Variants in XKR4 observed in about 807,000 individuals in gnomAD.
XKR4 encodes XK-related protein 4.
Under a neutral mutation model 53.9 loss-of-function variants are expected in XKR4, and 12 were observed. The observed-to-expected ratio is 0.22, with a 90% CI of 0.14 to 0.36. The LOEUF (loss-of-function observed/expected upper bound fraction) is 0.36. Ranked by LOEUF, XKR4 falls within the 10% of genes least tolerant of loss-of-function variation. XKR4 has a pLI of 1.00. For synonymous variants in XKR4, 354 were observed against 362.4 expected (o/e 0.98, Z 0.26); for missense variants, 799 against 859.5 (o/e 0.93, Z 0.88).
intron 1 of XKR4, among the ~76,000 whole-genome samples, chr8:55,153,123 G>A (rs1333928000): frequency 6.6e-6 from 1 of 152,144 alleles, no homozygotes; most frequent in Non-Finnish European, 1.5e-5. Flanking sequence ...GAATGATCCA[G>A]ACTCAAGGTC....
chr8:55,325,089 A>T (rs1471973313), intron 1 of XKR4, among the ~76,000 whole-genome samples: 1 of 152,174 alleles, frequency 6.6e-6, no homozygotes, highest in East Asian at 1.9e-4. Context: ...CACAAAATTT[A>T]TGTGCCACAA....
At chr8:55,160,186 T>G (rs1816965003) in intron 1 of XKR4, among the ~76,000 whole-genome samples, 2 of 152,240 alleles carry the variant, frequency 1.3e-5, no homozygotes, top group African/African-American at 4.8e-5. Context: ...GGTTGTATTT[T>G]TACTCCAGCC....
intron 2 of XKR4, among the ~76,000 whole-genome samples, chr8:55,465,061 C>A (rs1402340283): frequency 6.6e-6 from 1 of 152,060 alleles, no homozygotes; most frequent in Non-Finnish European, 1.5e-5. Context: ...GCCATACTGC[C>A]CAAGGTAATT....
At chr8:55,189,728 C>T (rs11998657) in intron 1 of XKR4, among the ~76,000 whole-genome samples, 4,388 of 152,268 alleles carry the variant, frequency 0.029, 217 homozygotes, top group African/African-American at 0.098. Flanking sequence ...CGTTATGCTG[C>T]ACATTACTGT....
chr8:55,478,535 C>G (rs1427592151), intron 2 of XKR4, among the ~76,000 whole-genome samples: 1 of 151,660 alleles, frequency 6.6e-6, no homozygotes, highest in African/African-American at 2.4e-5. Flanking sequence ...ACAGGACCAA[C>G]TCCACACATA....
In XKR4 at chr8:55,536,799, A is replaced by C. The variant is rs1419791271; in HGVS notation, c.*12572A>C. 1 of 152,220 alleles carries C rather than the reference A, an allele frequency of 6.6e-6. No homozygotes were observed. Among genetic ancestry groups the C allele is most frequent in the African/African-American group, 2.4e-5 (1 of 41,452 alleles). The allele number at this position is 152,220 out of a possible 1,614,324, so 9.4% of individuals were successfully genotyped here. On this transcript the variant is annotated 3_prime_UTR_variant, in exon 3 of 3. Coordinates refer to ENST00000327381, the MANE Select transcript of XKR4 (RefSeq NM_052898.2). Reference sequence around the variant, plus strand: ...TGGGCATTCTGGGCCTGGCTGCGGCACACCCTCCTTCACTTGGCCCCTGCC... The same window carrying C: ...TGGGCATTCTGGGCCTGGCTGCGGCCCACCCTCCTTCACTTGGCCCCTGCC...
At chr8:55,108,466 CTG>C (rs1177850263) in intron 1 of XKR4, among the ~76,000 whole-genome samples, 1 of 152,090 alleles carries the variant, frequency 6.6e-6, no homozygotes, top group Non-Finnish European at 1.5e-5. Flanking sequence ...AGTCATGTCT[CTG>C]TCATTCATGG....
intron 2 of XKR4, among the ~76,000 whole-genome samples, chr8:55,495,839 C>T (rs979970606): frequency 3.9e-5 from 6 of 152,346 alleles, no homozygotes; most frequent in Non-Finnish European, 5.9e-5. Context: ...ACTGCCTCTT[C>T]GCTGCAGCTG....
chr8:55,339,161 T>C (rs1193371763), intron 1 of XKR4, among the ~76,000 whole-genome samples: 1 of 152,212 alleles, frequency 6.6e-6, no homozygotes, highest in Admixed American at 6.5e-5. Context: ...AACGCGAGGC[T>C]GTTTGATAAC....
intron 2 of XKR4, among the ~76,000 whole-genome samples, chr8:55,458,459 G>A (rs1384833472): frequency 6.6e-6 from 1 of 152,218 alleles, no homozygotes; most frequent in African/African-American, 2.4e-5. Flanking sequence ...TGCTATCCGT[G>A]GATGGCTTAA....
At chr8:55,478,155 G>C (rs986145625) in intron 2 of XKR4, among the ~76,000 whole-genome samples, 2 of 152,092 alleles carry the variant, frequency 1.3e-5, no homozygotes, top group Non-Finnish European at 2.9e-5. Context: ...AGAGAGAAAG[G>C]CCGGGTTACC....
chr8:55,356,498 T>C (rs1308964097), intron 1 of XKR4, among the ~76,000 whole-genome samples: 1 of 152,222 alleles, frequency 6.6e-6, no homozygotes, highest in Non-Finnish European at 1.5e-5. Flanking sequence ...TCATCTTATG[T>C]GGATCCTGTT....
chr8:55,204,626 CA>C (rs1360384023), intron 1 of XKR4, among the ~76,000 whole-genome samples: 1 of 151,818 alleles, frequency 6.6e-6, no homozygotes, highest in Non-Finnish European at 1.5e-5. Context: ...AACACATGAA[CA>C]AAAAACCTGG....
chr8:55,325,737 T>C (rs546222861), intron 1 of XKR4, among the ~76,000 whole-genome samples: 1 of 152,326 alleles, frequency 6.6e-6, no homozygotes, highest in African/African-American at 2.4e-5. Context: ...TTGTTAGACA[T>C]AATTTCCTGT....
At chr8:55,418,177 C>T (rs1428348336) in intron 2 of XKR4, among the ~76,000 whole-genome samples, 1 of 152,088 alleles carries the variant, frequency 6.6e-6, no homozygotes, top group East Asian at 1.9e-4. Context: ...CTATCTACAC[C>T]TCGAGTGGCC....
intron 2 of XKR4, among the ~76,000 whole-genome samples, chr8:55,390,529 C>A (rs1804430587): frequency 6.6e-6 from 1 of 152,184 alleles, no homozygotes; most frequent in African/African-American, 2.4e-5. Context: ...GTAAAACCGA[C>A]TCTTAGTAAC....
chr8:55,201,276 C>G (rs575237055), intron 1 of XKR4, among the ~76,000 whole-genome samples: 1 of 152,270 alleles, frequency 6.6e-6, no homozygotes, highest in African/African-American at 2.4e-5. Flanking sequence ...AATATTGTGG[C>G]TGCAGTTGAA....
intron 1 of XKR4, among the ~76,000 whole-genome samples, chr8:55,209,861 C>T: frequency 6.6e-6 from 1 of 152,166 alleles, no homozygotes; most frequent in East Asian, 1.9e-4. Flanking sequence ...AGTATGAGAA[C>T]CCATGCCTTT....
At chr8:55,332,754 G>C (rs187006364) in intron 1 of XKR4, among the ~76,000 whole-genome samples, 1 of 151,802 alleles carries the variant, frequency 6.6e-6, no homozygotes, top group South Asian at 2.1e-4. Flanking sequence ...TTGTATACAC[G>C]TATCTTTCCT....
Sources: allele counts gnomAD v4.1 joint callset (sites outside exome capture counted in the v4.1 genomes callset), GRCh38; gene constraint gnomAD v4.1.1; transcripts MANE v1.5; gene names NCBI Gene and HGNC (gene_info 2026-07-23, HGNC 2026-07-21).